Variants in TNS3 observed in about 807,000 individuals in gnomAD.
TNS3 encodes the protein tensin-3.
Under a neutral mutation model 140.9 loss-of-function variants are expected in TNS3, and 45 were observed. That is an observed-to-expected ratio of 0.32 (90% CI 0.25 to 0.41). TNS3 has a LOEUF of 0.41. Among genes scored for constraint, TNS3 ranks in the 10% least tolerant of loss-of-function variants. TNS3 has a pLI of 1.00. For synonymous variants in TNS3, 815 were observed against 788.4 expected (o/e 1.03, Z -0.56); for missense variants, 1,716 against 1,906.7 (o/e 0.90, Z 1.86).
At chr7:47,540,739 G>C (rs1799761469) in intron 1 of TNS3, among the ~76,000 whole-genome samples, 1 of 152,226 alleles carries the variant, frequency 6.6e-6, no homozygotes, top group Non-Finnish European at 1.5e-5. Context: ...GAGGTGAGGA[G>C]AGGCAAGGGT....
chr7:47,505,717 TTGTGTG>T (rs58992722), intron 3 of TNS3, among the ~76,000 whole-genome samples: 3 of 150,128 alleles, frequency 2.0e-5, no homozygotes, highest in East Asian at 1.9e-4. Context: ...TCTTCCAACT[TTGTGTG>T]TGTGTGTGTG....
chr7:47,377,710 C>CCCTCCTCCCTTTCCTCCCCCTTCT (rs1791484157), intron 16 of TNS3, among the ~76,000 whole-genome samples: 1 of 113,866 alleles, frequency 8.8e-6, no homozygotes. Flanking sequence ...CTCTTTTTCC[C>CCCTCCTCCCTTTCCTCCCCCTTCT]CCTCCTCCCT....
chr7:47,428,940 A>G (rs1424902498), intron 8 of TNS3, among the ~76,000 whole-genome samples: 1 of 152,200 alleles, frequency 6.6e-6, no homozygotes, highest in Non-Finnish European at 1.5e-5. Context: ...CCATAACCAC[A>G]GACACCAACA....
intron 16 of TNS3, among the ~76,000 whole-genome samples, chr7:47,387,203 T>G (rs1399061298): frequency 1.3e-5 from 2 of 152,208 alleles, no homozygotes; most frequent in African/African-American, 2.4e-5. Context: ...CAAACAAATC[T>G]TTATGCAGAA....
intron 1 of TNS3, among the ~76,000 whole-genome samples, chr7:47,578,719 C>T (rs977351398): frequency 6.6e-5 from 10 of 152,210 alleles, no homozygotes; most frequent in African/African-American, 2.4e-4. Flanking sequence ...GTACCAAACA[C>T]ATTCCTGAGT....
intron 1 of TNS3, among the ~76,000 whole-genome samples, chr7:47,562,489 C>G (rs796473167): frequency 6.6e-5 from 10 of 151,696 alleles, no homozygotes; most frequent in African/African-American, 2.4e-4. Flanking sequence ...CGGGTTCAAG[C>G]GATTCTCCTG....
Position 47,396,482 on chromosome 7 carries a change from C to G in TNS3, c.1024+318G>C, listed in dbSNP as rs77034848. The stretch of plus-strand genomic sequence containing the variant: ...ATCCCCATATGCAAAACGGAAGGGA[C>G]GGAAGAAGGGGGAACGGTCCCTGGC... On this transcript the variant is annotated intron_variant, in intron 16 of 30. Coordinates refer to ENST00000311160, the MANE Select transcript of TNS3 (RefSeq NM_022748.12). 1.3e-3 allele frequency: 408 copies of G among 323,032 alleles called. 3 individuals are homozygous for G. The highest frequency in any genetic ancestry group is 8.4e-3 in the African/African-American group (388 of 45,984). The allele number at this position is 323,032 out of a possible 1,614,324, so 20.0% of individuals were successfully genotyped here.
chr7:47,439,545 A>C lies in TNS3; in HGVS notation c.92T>G (p.Leu31Arg), dbSNP rs1795357412. 6.2e-7 allele frequency: 1 copy of C among 1,613,950 alleles called. No homozygotes were observed. ...GCGCGTGACCTCCTGTAGGTTGTGC[A>C]GGTAGGACTCCTCAGAGCAGCCGGC... ...FPAGCSEESY[L>R]HNLQEVTRML... Residue 31 changes from leucine to arginine, a missense_variant, in exon 6 of 31, where the codon CTG becomes CGG. Leu to Arg is a moderately radical substitution (Grantham distance 102). Around this residue, in one of 3 missense-constraint regions of TNS3, gnomAD observed 337 missense variants for 428.9 expected, o/e 0.79. Transcript: ENST00000311160.
chr7:47,415,427 G>A (rs1483877454), intron 10 of TNS3, among the ~76,000 whole-genome samples: 1 of 152,190 alleles, frequency 6.6e-6, no homozygotes, highest in African/African-American at 2.4e-5. Context: ...GGCACAACCG[G>A]CCTCTTGGCT....
intron 20 of TNS3, among the ~76,000 whole-genome samples, chr7:47,338,701 G>A (rs889767716): frequency 2.6e-5 from 4 of 152,100 alleles, no homozygotes; most frequent in East Asian, 1.9e-4. Context: ...GGAGTACTTC[G>A]ATGGTGTATA....
intron 27 of TNS3, among the ~76,000 whole-genome samples, chr7:47,288,966 GAGTTTT>G (rs1785561225): frequency 6.6e-6 from 1 of 152,134 alleles, no homozygotes; most frequent in Admixed American, 6.5e-5. Flanking sequence ...TTGGAGCTTC[GAGTTTT>G]AGCACACTTG....
intron 4 of TNS3, among the ~76,000 whole-genome samples, chr7:47,474,202 CA>C (rs1460090483): frequency 6.8e-6 from 1 of 147,842 alleles, no homozygotes; most frequent in African/African-American, 2.5e-5. Flanking sequence ...AAACAGCACA[CA>C]AAAAACACCT....
rs1795125858 is a variant in TNS3 at position 47,435,345 on chromosome 7, T to C, written c.261A>G (p.Ile87Met). 1 of 1,614,010 alleles carries C rather than the reference T, an allele frequency of 6.2e-7. No homozygotes were observed. The highest frequency in any genetic ancestry group is 1.7e-5 in the Admixed American group (1 of 60,008). ...HAPPLDKMCT[I>M]CKAQESWLNS... ...TCAGCCAGGACTCCTGCGCCTTGCA[T>C]ATGGTACACATCTTATCCAGGGGCG... is the stretch of plus-strand genomic sequence containing the variant. Residue 87 changes from isoleucine to methionine, a missense_variant, in exon 8 of 31, where the codon ATA (isoleucine) becomes ATG (methionine). Physicochemically the swap from Ile to Met is conservative, Grantham distance 10. Transcript: ENST00000311160.
At chr7:47,420,690 G>T (rs1359276557) in intron 10 of TNS3, among the ~76,000 whole-genome samples, 1 of 152,162 alleles carries the variant, frequency 6.6e-6, no homozygotes, top group African/African-American at 2.4e-5. Flanking sequence ...GTGCCCGCTT[G>T]GGTCTCTTCT....
At chr7:47,293,938 G>A in intron 24 of TNS3, 110 bp from the exon 25 acceptor site, 1 of 963,530 alleles carries the variant, frequency 1.0e-6, no homozygotes, top group South Asian at 1.4e-5. Context: ...GCTCTTCTCT[G>A]AATACGAGTC....
Position 47,400,833 on chromosome 7 carries a change from C to T in TNS3, c.805G>A (p.Gly269Ser), listed in dbSNP as rs1204263829. ...RLQFHTGAVQ[G>S]YGLVFGKEDL... The stretch of plus-strand genomic sequence containing the variant: ...TCCTTCCCAAACACCAGCCCGTAGC[C>T]CTGCACAGCCCCAGTGTGAAACTGC... The change falls in exon 14 of 31, where the codon GGC (glycine) becomes AGC (serine). Residue 269 changes from glycine (G) to serine (S), a missense_variant. Gly to Ser is a moderately conservative substitution (Grantham distance 56). Transcript: ENST00000311160. 1 of 1,614,216 alleles carries T rather than the reference C, an allele frequency of 6.2e-7. No homozygotes were observed. The highest frequency in any genetic ancestry group is 1.1e-5 in the South Asian group (1 of 91,086).
At chr7:47,562,622 G>A (rs1395158308) in intron 1 of TNS3, among the ~76,000 whole-genome samples, 3 of 152,122 alleles carry the variant, frequency 2.0e-5, no homozygotes, top group Non-Finnish European at 2.9e-5. Flanking sequence ...CTGACCTCAG[G>A]TGATCTGCCG....
At chr7:47,303,834 A>G (rs1786577634) in intron 21 of TNS3, among the ~76,000 whole-genome samples, 1 of 152,182 alleles carries the variant, frequency 6.6e-6, no homozygotes, top group Admixed American at 6.5e-5. Context: ...GAGCCGCCCC[A>G]TGAAGGCCTC....
chr7:47,523,678 T>C (rs1215608515), intron 2 of TNS3, among the ~76,000 whole-genome samples: 4 of 152,176 alleles, frequency 2.6e-5, no homozygotes, highest in South Asian at 2.1e-4. Flanking sequence ...GCAAAGGTTT[T>C]CCTTCATCTG....
Sources: allele counts gnomAD v4.1 joint callset (sites outside exome capture counted in the v4.1 genomes callset), GRCh38; gene constraint gnomAD v4.1.1; regional missense constraint gnomAD v4.1.1; transcripts MANE v1.5; gene names NCBI Gene and HGNC (gene_info 2026-07-23, HGNC 2026-07-21).